Variants in APBB2 observed in about 807,000 individuals in gnomAD.
APBB2 encodes Fe65-like 1.
APBB2 carries 38 observed loss-of-function variants against 82.5 expected under a neutral mutation model. The observed-to-expected ratio is 0.46, with a 90% CI of 0.36 to 0.60. APBB2 has a LOEUF of 0.60. Among genes scored for constraint, APBB2 ranks in the 20% least tolerant of loss-of-function variants. APBB2 has a pLI of 0.00. For synonymous variants in APBB2, 341 were observed against 368.2 expected (o/e 0.93, Z 0.85); for missense variants, 772 against 972.3 (o/e 0.79, Z 2.74).
intron 15 of APBB2, among the ~76,000 whole-genome samples, chr4:40,825,075 C>G (rs1749425724): frequency 6.6e-6 from 1 of 152,238 alleles, no homozygotes; most frequent in Admixed American, 6.5e-5. Context: ...TAAAATTCCA[C>G]TGTATGGAAG....
rs888911785 is a variant in APBB2 at position 41,163,582 on chromosome 4, C to A, written c.-416-20440G>T. Among the ~76,000 whole-genome samples, 29 of 152,112 alleles carry A rather than the reference C, an allele frequency of 1.9e-4. 1 individual carries two copies. Among genetic ancestry groups the A allele is most frequent in the African/African-American group, 6.5e-4 (27 of 41,416 alleles). ...ATAGTTCCTCAAGAAAATATATACA[C>A]CTTTCAGATCATAAACAAGCGTCAG... is the stretch of plus-strand genomic sequence containing the variant. On this transcript the variant is annotated intron_variant, in intron 1 of 17. Transcript: ENST00000508593.
intron 2 of APBB2, among the ~76,000 whole-genome samples, chr4:41,120,622 G>A (rs1021127656): frequency 6.6e-6 from 1 of 152,086 alleles, no homozygotes; most frequent in Non-Finnish European, 1.5e-5. Flanking sequence ...CTCCAATTTG[G>A]GGCCAAGATT....
chr4:40,906,919 T>A (rs1001101001), intron 10 of APBB2, among the ~76,000 whole-genome samples: 2 of 152,190 alleles, frequency 1.3e-5, no homozygotes, highest in Admixed American at 6.5e-5. Context: ...TGTATATACA[T>A]GTACATATGC....
intron 10 of APBB2, among the ~76,000 whole-genome samples, chr4:40,908,372 T>C (rs1777635373): frequency 6.6e-6 from 1 of 152,132 alleles, no homozygotes; most frequent in Non-Finnish European, 1.5e-5. Flanking sequence ...CAGGTAACCA[T>C]GAGCATATGG....
chr4:41,138,273 G>GA (rs778199674), intron 2 of APBB2: 2 of 152,198 alleles, frequency 1.3e-5, no homozygotes, highest in East Asian at 1.9e-4. Context: ...AGCTTTGAAA[G>GA]AAAAAACGAA....
At chr4:41,006,754 C>A (rs1454010515) in intron 6 of APBB2, among the ~76,000 whole-genome samples, 1 of 152,154 alleles carries the variant, frequency 6.6e-6, no homozygotes, top group Non-Finnish European at 1.5e-5. Flanking sequence ...GTGTGAGCCA[C>A]CGCGCCCAGC....
At chr4:40,982,273 AGAAAGAAAGAAGGAAGGAAGGAAGGAAG>A (rs1477097112) in intron 6 of APBB2, among the ~76,000 whole-genome samples, 7 of 29,092 alleles carry the variant, frequency 2.4e-4, no homozygotes, top group African/African-American at 4.0e-4. Context: ...AAAGAAAGAA[AGAAAGAAAGAAGGAAGGAAGGAAGGAAG>A]GAAGGAAAGA....
intron 2 of APBB2, among the ~76,000 whole-genome samples, chr4:41,142,718 C>A (rs1035736015): frequency 7.2e-5 from 11 of 152,124 alleles, no homozygotes; most frequent in African/African-American, 2.7e-4. Context: ...TTTGTGCCAA[C>A]GTCCTTCTCT....
rs757815633 is a variant in APBB2 at position 40,999,848 on chromosome 4, G to A, written c.835+13735C>T. Among the ~76,000 whole-genome samples the A allele has an allele frequency of 7.9e-5, 12 of 151,890 alleles. No individual in the cohort carries two copies. In the South Asian group the frequency reaches 1.0e-3, roughly 13 times the overall value. On this transcript the variant is annotated intron_variant, in intron 6 of 17. Coordinates refer to ENST00000508593, the MANE Select transcript of APBB2 (RefSeq NM_004307.2). ...TAGTATAAATAATTGTTTAATTGTC[G>A]TGCTAATCATTCAAACATAAATACC...
intron 11 of APBB2, chr4:40,890,947 A>G (rs1771848675): frequency 6.5e-6 from 1 of 154,732 alleles, no homozygotes; most frequent in African/African-American, 2.4e-5. Flanking sequence ...CTTTTACACC[A>G]CTTCCTAGCT....
intron 3 of APBB2, among the ~76,000 whole-genome samples, chr4:41,098,387 T>C (rs1270949481): frequency 1.3e-5 from 2 of 152,150 alleles, no homozygotes; most frequent in Non-Finnish European, 2.9e-5. Flanking sequence ...TCTCTTTCGT[T>C]GTCCAGGCTA....
chr4:40,829,848 G>C (rs929678559), intron 13 of APBB2, among the ~76,000 whole-genome samples: 3 of 152,132 alleles, frequency 2.0e-5, no homozygotes, highest in African/African-American at 4.8e-5. Context: ...GCTGGACAGG[G>C]TGCTTCTACG....
chr4:41,044,124 T>C (rs1005348402), intron 4 of APBB2, among the ~76,000 whole-genome samples: 3 of 152,204 alleles, frequency 2.0e-5, no homozygotes, highest in African/African-American at 4.8e-5. Flanking sequence ...ATTCCAATTA[T>C]TTAATTTCAT....
intron 6 of APBB2, among the ~76,000 whole-genome samples, chr4:40,968,546 G>C (rs1193796267): frequency 1.2e-4 from 19 of 152,046 alleles, no homozygotes. Flanking sequence ...GGCACTGCAT[G>C]CAATGCCCTC....
intron 12 of APBB2, among the ~76,000 whole-genome samples, chr4:40,857,484 T>G (rs1761652831): frequency 6.6e-6 from 1 of 151,816 alleles, no homozygotes; most frequent in Admixed American, 6.5e-5. Context: ...TTTTCTTTTC[T>G]TCTTGAGACA....
At chr4:41,188,096 C>A (rs952307726) in intron 1 of APBB2, among the ~76,000 whole-genome samples, 1 of 152,062 alleles carries the variant, frequency 6.6e-6, no homozygotes, top group African/African-American at 2.4e-5. Context: ...GTGATAGGTG[C>A]TTTTAGTTAT....
At chr4:41,198,855 A>C (rs897184530) in intron 1 of APBB2, among the ~76,000 whole-genome samples, 14 of 152,204 alleles carry the variant, frequency 9.2e-5, no homozygotes, top group African/African-American at 3.1e-4. Flanking sequence ...GCACAAGTCC[A>C]GTCTCTGCCT....
intron 6 of APBB2, among the ~76,000 whole-genome samples, chr4:41,004,922 A>G (rs1381283406): frequency 6.6e-6 from 1 of 151,868 alleles, no homozygotes; most frequent in Non-Finnish European, 1.5e-5. Context: ...CAACAAAGTC[A>G]TGATGAACAA....
chr4:41,129,404 T>C (rs12499130), intron 2 of APBB2, among the ~76,000 whole-genome samples: 47,100 of 152,056 alleles, frequency 0.31, 7,415 homozygotes, highest in Non-Finnish European at 0.34. Flanking sequence ...TCCCTCTCCC[T>C]GAAATGTCAT....
Sources: allele counts gnomAD v4.1 joint callset (sites outside exome capture counted in the v4.1 genomes callset), GRCh38; gene constraint gnomAD v4.1.1; transcripts MANE v1.5; gene names NCBI Gene and HGNC (gene_info 2026-07-23, HGNC 2026-07-21).